Variants in UGT2A2 observed in about 807,000 individuals in gnomAD.
The protein encoded by UGT2A2 is UDP glucuronosyltransferase family 2 member A2, also known as UDP-glucuronosyltransferase 2A2.
Under a neutral mutation model 50.7 loss-of-function variants are expected in UGT2A2, and 60 were observed. That is an observed-to-expected ratio of 1.18 (90% CI 0.96 to 1.47). The LOEUF (loss-of-function observed/expected upper bound fraction) is 1.47, where lower values mean the gene tolerates loss of function less well. UGT2A2 is among the 40% of genes most tolerant of loss of function. The probability of loss-of-function intolerance (pLI) is 0.00; values close to 1 mark genes in which losing one functional copy is unlikely to be tolerated. For synonymous variants in UGT2A2, 242 were observed against 214.6 expected, an observed-to-expected ratio of 1.13 and a Z score of -1.11; for missense variants, 762 against 634.0, an observed-to-expected ratio of 1.20 and a Z score of -2.17.
intron 5 of UGT2A2, among the ~76,000 whole-genome samples, chr4:69,590,693 T>A (rs1176714259): frequency 6.6e-6 from 1 of 151,758 alleles, no homozygotes; most frequent in Admixed American, 6.6e-5. Context: ...AAAAAGAATA[T>A]AAGTAAGTAA....
chr4:69,599,524 C>A lies in UGT2A2; in HGVS notation c.743-130G>T, dbSNP rs532188920. On this transcript the variant is annotated intron_variant, in intron 1 of 5. Coordinates refer to ENST00000604629, the MANE Select transcript of UGT2A2 (RefSeq NM_001105677.2). ...GAATTAGGTCTTCTAGAATACTTAT[C>A]ATGTTTATATATTAAGAAGAAGGAG... 2.3e-6 allele frequency: 3 copies of A among 1,300,188 alleles called. No homozygotes were observed. The East Asian group carries it at 7.6e-5, about 33-fold the overall frequency. 80.5% of individuals were successfully genotyped at this position (1,300,188 alleles called of 1,614,324 possible).
At chr4:69,630,449 A>C (rs1242514564) in intron 1 of UGT2A2, among the ~76,000 whole-genome samples, 1 of 152,050 alleles carries the variant, frequency 6.6e-6, no homozygotes, top group Non-Finnish European at 1.5e-5. Context: ...CATAGTTTTT[A>C]TCAACCATCA....
At chr4:69,622,158 G>C (rs1017804520) in intron 1 of UGT2A2, among the ~76,000 whole-genome samples, 1 of 151,544 alleles carries the variant, frequency 6.6e-6, no homozygotes, top group South Asian at 2.1e-4. Flanking sequence ...GAACCAAAAG[G>C]TTTTTATTTT....
intron 5 of UGT2A2, among the ~76,000 whole-genome samples, chr4:69,589,928 A>C (rs1718493487): frequency 6.6e-6 from 1 of 152,218 alleles, no homozygotes; most frequent in Non-Finnish European, 1.5e-5. Context: ...ATTTTTCCAA[A>C]AATAATTTTG....
chr4:69,596,437 GT>G, intron 2 of UGT2A2, 56 bp from the exon 3 acceptor site: 1 of 1,419,248 alleles, frequency 7.0e-7, no homozygotes, highest in South Asian at 1.7e-5. Flanking sequence ...GAAAAAATAA[GT>G]TTACTTACAC....
At chr4:69,632,845 G>A (rs1577993686) in intron 1 of UGT2A2, among the ~76,000 whole-genome samples, 1 of 149,124 alleles carries the variant, frequency 6.7e-6, no homozygotes, top group East Asian at 2.0e-4. Flanking sequence ...CCGAGATTGC[G>A]CCATTGCAAT....
rs758907420 is a variant in UGT2A2 at position 69,639,224 on chromosome 4, T to C, written c.417A>G (p.Leu139=). Residue 139 remains leucine, a synonymous_variant, in exon 1 of 6, where the codon CTA becomes CTG. Transcript: ENST00000604629. ...QINIQLCDGV[L]KNPKLMARLQ... is the part of the protein sequence containing the mutation. Reference sequence around the variant, plus strand: ...GTCTTGCCATCAACTTTGGGTTCTTTAGTACACCATCACAGAGTTGTATGT... The same window carrying C: ...GTCTTGCCATCAACTTTGGGTTCTTCAGTACACCATCACAGAGTTGTATGT... 5 of 1,613,580 alleles carry C rather than the reference T, an allele frequency of 3.1e-6. No individual in the cohort carries two copies. In the Admixed American group the frequency reaches 6.7e-5, roughly 22 times the overall value.
rs1343405544 is a variant in UGT2A2 at position 69,603,174 on chromosome 4, A to T, written c.743-3780T>A. ...TGTAGAACTTTATATGTGATTCTAA[A>T]ATCCATACGGAAAAGCAAAGAGCCA... On this transcript the variant is annotated intron_variant, in intron 1 of 5. Coordinates refer to ENST00000604629, the MANE Select transcript of UGT2A2 (RefSeq NM_001105677.2). 1.5e-5 allele frequency among the ~76,000 whole-genome samples: 2 copies of T among 137,492 alleles called. 1 individual carries two copies. The highest frequency in any genetic ancestry group is 3.1e-5 in the Non-Finnish European group (2 of 64,448). 90.2% of individuals were successfully genotyped at this position (137,492 alleles called of 152,430 possible).
chr4:69,626,184 C>T (rs760060394), intron 1 of UGT2A2, among the ~76,000 whole-genome samples: 6 of 150,648 alleles, frequency 4.0e-5, no homozygotes, highest in African/African-American at 7.3e-5. Context: ...TATTTGGACG[C>T]TTTGATCTGG....
At chr4:69,605,607 C>T (rs1232624243) in intron 1 of UGT2A2, among the ~76,000 whole-genome samples, 1 of 136,306 alleles carries the variant, frequency 7.3e-6, no homozygotes, top group Non-Finnish European at 1.6e-5. Context: ...ACACAAAAAA[C>T]CCTTTAAAAA....
chr4:69,593,951 A>T (rs984242180), intron 5 of UGT2A2, among the ~76,000 whole-genome samples: 8 of 151,122 alleles, frequency 5.3e-5, no homozygotes, highest in African/African-American at 1.9e-4. Flanking sequence ...AAAAATATTG[A>T]AATAATATTT....
chr4:69,638,173 A>G lies in UGT2A2; in HGVS notation c.742+726T>C, dbSNP rs993140322. Among the ~76,000 whole-genome samples, 6 of 152,252 alleles carry G rather than the reference A, an allele frequency of 3.9e-5. No individual in the cohort carries two copies. The East Asian group carries it at 1.2e-3, about 29-fold the overall frequency. Reference sequence around the variant, plus strand: ...CATCATCTGTTAATTCCTGCTATTGATTAGTGTCCCGAGTACTAAGAGATC... The same window carrying G: ...CATCATCTGTTAATTCCTGCTATTGGTTAGTGTCCCGAGTACTAAGAGATC... On this transcript the variant is annotated intron_variant, in intron 1 of 5. Transcript: ENST00000604629.
At chr4:69,603,560 G>A (rs527503412) in intron 1 of UGT2A2, 1 of 137,104 alleles carries the variant, frequency 7.3e-6, no homozygotes, top group Admixed American at 7.2e-5. Flanking sequence ...GAACAAAACT[G>A]GACGGAGAAT....
At chr4:69,596,950 C>T (rs562462784) in intron 2 of UGT2A2, among the ~76,000 whole-genome samples, 2 of 152,302 alleles carry the variant, frequency 1.3e-5, no homozygotes, top group East Asian at 1.9e-4. Flanking sequence ...GACAACTCTT[C>T]TCATGCTAAC....
intron 1 of UGT2A2, among the ~76,000 whole-genome samples, chr4:69,630,707 G>A (rs750143317): frequency 6.6e-6 from 1 of 152,048 alleles, no homozygotes; most frequent in Non-Finnish European, 1.5e-5. Context: ...AAGATGCCAA[G>A]GATGTATAAA....
chr4:69,599,102 G>C lies in UGT2A2; in HGVS notation c.891+144C>G, dbSNP rs1335494932. The C allele has an allele frequency of 4.9e-6, 6 of 1,217,260 alleles. No homozygotes were observed. In the African/African-American group the frequency reaches 9.2e-5, roughly 19 times the overall value. The allele number at this position is 1,217,260 out of a possible 1,614,324, so 75.4% of individuals were successfully genotyped here. ...AAAACACCTAATATCACTTGTAGGA[G>C]ACCTCTATCACAAGGAAAATAGATG... On this transcript the variant is annotated intron_variant, in intron 2 of 5. Transcript: ENST00000604629.
At chr4:69,595,547 A>C (rs1275543135) in intron 3 of UGT2A2, among the ~76,000 whole-genome samples, 1 of 152,182 alleles carries the variant, frequency 6.6e-6, no homozygotes, top group African/African-American at 2.4e-5. Flanking sequence ...AATCAATCAC[A>C]ACATGAAGGG....
At chr4:69,624,097 T>C (rs1720904629) in intron 1 of UGT2A2, among the ~76,000 whole-genome samples, 1 of 151,604 alleles carries the variant, frequency 6.6e-6, no homozygotes, top group Admixed American at 6.6e-5. Context: ...AATCTCCAAG[T>C]ATAAATGGGA....
In UGT2A2 at chr4:69,595,256, A is replaced by G. The variant is rs774172479; in HGVS notation, c.1024-7T>C. 14 of 1,613,178 alleles carry G rather than the reference A, an allele frequency of 8.7e-6. No homozygotes were observed. The highest frequency in any genetic ancestry group is 4.0e-5 in the African/African-American group (3 of 74,852). ...CTTTGTATCTCCATAAAACCTGTGGAAAATGGTGCTTTAATTTTGCAAGGA... is the reference window on the plus strand; with the variant it reads ...CTTTGTATCTCCATAAAACCTGTGGGAAATGGTGCTTTAATTTTGCAAGGA... On this transcript the variant is annotated splice_region_variant and splice_polypyrimidine_tract_variant and intron_variant, in intron 3 of 5. Coordinates refer to ENST00000604629, the MANE Select transcript of UGT2A2 (RefSeq NM_001105677.2).
Sources: gnomAD v4.1 joint callset for allele counts (sites outside exome capture counted in the v4.1 genomes callset) on GRCh38, gnomAD v4.1.1 for gene constraint, MANE v1.5 for transcripts, NCBI Gene and HGNC (gene_info 2026-07-23, HGNC 2026-07-21) for gene names.